Variants in SHOC1 observed in about 807,000 individuals in gnomAD.
The protein encoded by SHOC1 is protein shortage in chiasmata 1 ortholog.
A neutral mutation model predicts 179.2 loss-of-function variants in SHOC1; 136 were observed. The ratio of observed to expected loss-of-function variants is 0.76; its 90% CI spans 0.66 to 0.87. SHOC1 has a LOEUF of 0.87. Among genes scored for constraint, SHOC1 ranks in the 40% least tolerant of loss-of-function variants. The pLI is 0.00. For missense variants in SHOC1, 1,538 were observed against 1,700.8 expected, an observed-to-expected ratio of 0.90 and a Z score of 1.68; for synonymous variants, 489 against 586.6, an observed-to-expected ratio of 0.83 and a Z score of 2.41.
At chr9:111,711,892 A>C (rs555226612) in intron 18 of SHOC1, among the ~76,000 whole-genome samples, 1 of 152,336 alleles carries the variant, frequency 6.6e-6, no homozygotes, top group South Asian at 2.1e-4. Context: ...TAGAGAAGTT[A>C]AATGAATTGA....
chr9:111,708,760 A>G (rs1318391105), intron 18 of SHOC1, among the ~76,000 whole-genome samples: 1 of 152,186 alleles, frequency 6.6e-6, no homozygotes, highest in East Asian at 1.9e-4. Flanking sequence ...TTATTTTACT[A>G]ATGTTTAAAC....
At chr9:111,705,708 A>T (rs1249630177) in intron 20 of SHOC1, among the ~76,000 whole-genome samples, 1 of 152,052 alleles carries the variant, frequency 6.6e-6, no homozygotes, top group Non-Finnish European at 1.5e-5. Flanking sequence ...TGAAATGTTG[A>T]AACTTGCTTT....
intron 4 of SHOC1, among the ~76,000 whole-genome samples, chr9:111,776,816 G>A (rs1835850068): frequency 6.6e-6 from 1 of 152,116 alleles, no homozygotes; most frequent in African/African-American, 2.4e-5. Flanking sequence ...TCAACCTTAG[G>A]GTGGTAACAA....
chr9:111,738,637 G>C, intron 11 of SHOC1, 115 bp from the exon 12 acceptor site: 3 of 934,168 alleles, frequency 3.2e-6, no homozygotes, highest in Non-Finnish European at 4.4e-6. Context: ...TTATGCATTA[G>C]AAAATAAGTG....
At chr9:111,766,158 C>T (rs1835350865) in intron 5 of SHOC1, among the ~76,000 whole-genome samples, 2 of 152,140 alleles carry the variant, frequency 1.3e-5, no homozygotes, top group African/African-American at 4.8e-5. Flanking sequence ...CACTATTTGT[C>T]TTTCTGTGCT....
At chr9:111,705,429 T>C (rs1361721693) in intron 20 of SHOC1, 65 bp from the exon 21 acceptor site, 1 of 716,576 alleles carries the variant, frequency 1.4e-6, no homozygotes, top group African/African-American at 1.9e-5. Flanking sequence ...TTCTCTTTTT[T>C]TTTTTACTAA....
chr9:111,760,519 A>G (rs1835089029), intron 5 of SHOC1, among the ~76,000 whole-genome samples: 1 of 152,190 alleles, frequency 6.6e-6, no homozygotes, highest in African/African-American at 2.4e-5. Flanking sequence ...AGAGAGGTTT[A>G]TTCTTTACAA....
intron 5 of SHOC1, chr9:111,759,072 A>G: frequency 7.1e-7 from 1 of 1,404,304 alleles, no homozygotes; most frequent in Non-Finnish European, 9.6e-7. Flanking sequence ...ACCGAGGAAT[A>G]GCCAAATATC....
At chr9:111,722,283 G>A in intron 15 of SHOC1, 126 bp downstream of exon 15, 1 of 802,840 alleles carries the variant, frequency 1.2e-6, no homozygotes, top group Non-Finnish European at 1.9e-6. Flanking sequence ...GGTATCACAA[G>A]CTGAATTACA....
intron 27 of SHOC1, among the ~76,000 whole-genome samples, chr9:111,687,422 A>AT (rs1831226438): frequency 1.3e-5 from 2 of 152,190 alleles, no homozygotes; most frequent in South Asian, 4.1e-4. Flanking sequence ...ATAAATGCAT[A>AT]TATTTTTATG....
intron 11 of SHOC1, 84 bp from the exon 12 acceptor site, chr9:111,738,606 A>T: frequency 8.0e-7 from 1 of 1,247,128 alleles, no homozygotes; most frequent in Non-Finnish European, 1.0e-6. Flanking sequence ...CCACACTGGA[A>T]TTTCTTTATG....
intron 8 of SHOC1, among the ~76,000 whole-genome samples, chr9:111,755,325 C>T (rs1834806601): frequency 6.6e-6 from 1 of 152,180 alleles, no homozygotes; most frequent in Admixed American, 6.5e-5. Context: ...TTTTCATTCC[C>T]TTGCTTTGAT....
intron 16 of SHOC1, among the ~76,000 whole-genome samples, chr9:111,717,223 T>C (rs1191521268): frequency 1.3e-5 from 2 of 152,186 alleles, no homozygotes; most frequent in African/African-American, 4.8e-5. Context: ...TCAGAGGAAA[T>C]TTATTTTTAC....
chr9:111,735,576 C>T (rs1403016679), intron 12 of SHOC1, among the ~76,000 whole-genome samples: 2 of 152,264 alleles, frequency 1.3e-5, no homozygotes, highest in Non-Finnish European at 2.9e-5. Flanking sequence ...TTTCTTTATC[C>T]AGTCTATCAT....
In SHOC1 at chr9:111,753,253, C is replaced by A. The variant is rs559624422; in HGVS notation, c.862+3072G>T. Among the ~76,000 whole-genome samples, 4 of 152,266 alleles carry A rather than the reference C, an allele frequency of 2.6e-5. No individual in the cohort carries two copies. The East Asian group carries it at 7.7e-4, about 29-fold the overall frequency. On this transcript the variant is annotated intron_variant, in intron 8 of 27. Transcript: ENST00000682961. ...CTAAACATTTTAAAAAAATCAACAT[C>A]AATTACTTAGCTCCTCCTAAAAATA...
intron 22 of SHOC1, among the ~76,000 whole-genome samples, chr9:111,703,101 C>T (rs746884303): frequency 2.6e-5 from 4 of 151,988 alleles, no homozygotes; most frequent in African/African-American, 4.8e-5. Flanking sequence ...TGGTGTGAGA[C>T]CCTATCTCTA....
intron 18 of SHOC1, among the ~76,000 whole-genome samples, chr9:111,709,731 A>G (rs1320490421): frequency 4.6e-5 from 7 of 152,228 alleles, no homozygotes; most frequent in African/African-American, 1.2e-4. Flanking sequence ...TATAGTCAGT[A>G]ATAACTTAAT....
chr9:111,720,734 C>A (rs1833001687), intron 15 of SHOC1, among the ~76,000 whole-genome samples: 1 of 152,150 alleles, frequency 6.6e-6, no homozygotes, highest in Non-Finnish European at 1.5e-5. Context: ...ATTTAATCTG[C>A]CATTAATTGC....
chr9:111,772,951 C>T (rs1414556372), intron 5 of SHOC1, among the ~76,000 whole-genome samples: 6 of 152,006 alleles, frequency 3.9e-5, no homozygotes, highest in Non-Finnish European at 8.8e-5. Flanking sequence ...CTCACTTTTT[C>T]CAGCATAGAA....
Sources: allele counts gnomAD v4.1 joint callset (sites outside exome capture counted in the v4.1 genomes callset), GRCh38; gene constraint gnomAD v4.1.1; transcripts MANE v1.5; gene names NCBI Gene and HGNC (gene_info 2026-07-23, HGNC 2026-07-21).